DYNLL1: variants seen among roughly 807,000 people sequenced by gnomAD.
The protein encoded by DYNLL1 is dynein light chain 1, cytoplasmic.
In DYNLL1, 3 loss-of-function variants were observed where a neutral mutation model predicts 10.1. The observed-to-expected ratio is 0.30, with a 90% CI of 0.14 to 0.77. DYNLL1 has a LOEUF of 0.77. Among genes scored for constraint, DYNLL1 ranks in the 30% least tolerant of loss-of-function variants. The pLI, the probability that DYNLL1 is intolerant of heterozygous loss-of-function variation, is 0.66. For synonymous variants in DYNLL1, 46 were observed against 41.2 expected, an observed-to-expected ratio of 1.12 and a Z score of -0.45; for missense variants, 47 against 111.7, an observed-to-expected ratio of 0.42 and a Z score of 2.61.
rs375698180 is a variant in DYNLL1, at chr12:120,498,061, T to G, written c.133-12T>G. On this transcript the variant is annotated splice_polypyrimidine_tract_variant and intron_variant, in intron 2 of 2. Transcript: ENST00000242577. ...AATTAAAATCCTAGTTCTTTTCTTT[T>G]GTCTTTTCCAGGAATTTGACAAGAA... is the stretch of plus-strand genomic sequence containing the variant. 42 of 1,612,616 alleles carry G rather than the reference T, an allele frequency of 2.6e-5. No individual in the cohort carries two copies. In the African/African-American group the frequency reaches 5.1e-4, roughly 19 times the overall value.
At chr12:120,472,626 C>A (rs896968779) in intron 1 of DYNLL1, among the ~76,000 whole-genome samples, 2 of 152,190 alleles carry the variant, frequency 1.3e-5, no homozygotes, top group African/African-American at 4.8e-5. Context: ...ATTGGGCAGT[C>A]TCCTAGGGAG....
Position 120,478,833 on chromosome 12 carries a change from C to T in DYNLL1, c.-7+8729C>T, listed in dbSNP as rs536207417. On this transcript the variant is annotated intron_variant, in intron 1 of 2. Coordinates refer to the DYNLL1 transcript ENST00000392509. ...CCGAGTAGATGGGATTACAGGCGCC[C>T]GCCACCACGCCCAGCTAATTTTTGT... is the stretch of plus-strand genomic sequence containing the variant. Among the ~76,000 whole-genome samples, 44 of 149,510 alleles carry T rather than the reference C, an allele frequency of 2.9e-4. 1 individual carries two copies. The highest frequency in any genetic ancestry group is 5.9e-4 in the Non-Finnish European group (40 of 67,334).
At chr12:120,484,823 C>G (rs886411531) in intron 1 of DYNLL1, among the ~76,000 whole-genome samples, 1 of 151,794 alleles carries the variant, frequency 6.6e-6, no homozygotes, top group Non-Finnish European at 1.5e-5. Context: ...ACTGCAACCT[C>G]CGCTTTGCTT....
chr12:120,488,763 A>C (rs1879053552), intron 1 of DYNLL1: 1 of 152,116 alleles, frequency 6.6e-6, no homozygotes, highest in Non-Finnish European at 1.5e-5. Flanking sequence ...AATACAAAAA[A>C]TTAGCCCGAT....
Position 120,477,954 on chromosome 12 carries a change from A to AT in DYNLL1, c.-7+7859dup, listed in dbSNP as rs1185163315. On this transcript the variant is annotated intron_variant, in intron 1 of 2. Coordinates refer to the DYNLL1 transcript ENST00000392509. ...AGGCATACGCCACCATGCCTGGCTA[A>AT]TTTTTTTTTGTATTTTTAGTAGGGA... Among the ~76,000 whole-genome samples, 55 of 148,822 alleles carry AT rather than the reference A, an allele frequency of 3.7e-4. No homozygotes were observed. The East Asian group carries it at 6.6e-3, about 18-fold the overall frequency.
At chr12:120,490,909 C>T (rs1879111376) in intron 1 of DYNLL1, 1 of 152,238 alleles carries the variant, frequency 6.6e-6, no homozygotes, top group African/African-American at 2.4e-5. Flanking sequence ...GCCATGTGCC[C>T]AGTACTGCAC....
chr12:120,478,660 T>C (rs1232819342), intron 1 of DYNLL1, among the ~76,000 whole-genome samples: 3 of 147,738 alleles, frequency 2.0e-5, no homozygotes, highest in African/African-American at 7.4e-5. Context: ...GAGACCAGCC[T>C]GGCCAACATG....
intron 1 of DYNLL1, among the ~76,000 whole-genome samples, chr12:120,489,242 G>A (rs1879065880): frequency 6.6e-6 from 1 of 152,176 alleles, no homozygotes; most frequent in African/African-American, 2.4e-5. Context: ...CTCAAGGCTG[G>A]CCCTCTTCCC....
At chr12:120,474,772 G>C (rs1433863786) in intron 1 of DYNLL1, among the ~76,000 whole-genome samples, 1 of 152,184 alleles carries the variant, frequency 6.6e-6, no homozygotes, top group African/African-American at 2.4e-5. Flanking sequence ...CAGAGAGGAA[G>C]TGATGGGGGA....
chr12:120,486,739 TA>T (rs1408245462), intron 1 of DYNLL1, among the ~76,000 whole-genome samples: 8 of 151,994 alleles, frequency 5.3e-5, no homozygotes, highest in Non-Finnish European at 7.4e-5. Flanking sequence ...CCCAAAGCGC[TA>T]GGATTATAGG....
intron 1 of DYNLL1, among the ~76,000 whole-genome samples, chr12:120,485,198 G>C (rs1878964841): frequency 2.0e-5 from 3 of 150,928 alleles, no homozygotes; most frequent in Non-Finnish European, 3.0e-5. Flanking sequence ...GCCTGGGTGA[G>C]AGTGGGACCC....
At chr12:120,496,607 C>T in intron 2 of DYNLL1, 54 bp downstream of exon 2, 2 of 1,613,650 alleles carry the variant, frequency 1.2e-6, no homozygotes. Flanking sequence ...GTTCCTTCCC[C>T]CCGATCCTGC....
intron 1 of DYNLL1, among the ~76,000 whole-genome samples, chr12:120,476,943 T>C (rs1296216254): frequency 6.6e-6 from 1 of 151,518 alleles, no homozygotes; most frequent in Non-Finnish European, 1.5e-5. Context: ...TTTGTTTTTT[T>C]TTTTGAGACG....
intron 1 of DYNLL1, among the ~76,000 whole-genome samples, chr12:120,479,468 A>AAT (rs1555221139): frequency 8.7e-4 from 95 of 109,576 alleles, no homozygotes; most frequent in Non-Finnish European, 1.2e-3. Context: ...AAAAAAAAAA[A>AAT]AATAATAATA....
At chr12:120,472,592 GA>G (rs922877774) in intron 1 of DYNLL1, among the ~76,000 whole-genome samples, 3 of 151,852 alleles carry the variant, frequency 2.0e-5, no homozygotes, top group African/African-American at 7.3e-5. Flanking sequence ...GACAAAAAAG[GA>G]AAAAAAAGTG....
At chr12:120,496,316 G>C in intron 1 of DYNLL1, 100 bp downstream of exon 1, 1 of 1,502,898 alleles carries the variant, frequency 6.7e-7, no homozygotes, top group South Asian at 1.3e-5. Context: ...GAAGTGGGGT[G>C]GGGGGCGTCG....
intron 1 of DYNLL1, among the ~76,000 whole-genome samples, chr12:120,476,993 G>C (rs1373599989): frequency 4.6e-5 from 7 of 151,486 alleles, no homozygotes; most frequent in African/African-American, 1.7e-4. Context: ...GCAGTGGCAC[G>C]ATCTTGGCTC....
At chr12:120,497,304 C>G (rs1348562424) in intron 2 of DYNLL1, 1 of 153,160 alleles carries the variant, frequency 6.5e-6, no homozygotes, top group Non-Finnish European at 1.5e-5. Flanking sequence ...TAACCGTTGC[C>G]ACCCAATGCC....
At chr12:120,495,281 C>G (rs1879237245), upstream of DYNLL1, 1 of 152,168 alleles carries the variant, frequency 6.6e-6, no homozygotes, top group South Asian at 2.1e-4. Flanking sequence ...CTCTCCCACA[C>G]AGGAAAGACT....
Sources: allele counts gnomAD v4.1 joint callset (sites outside exome capture counted in the v4.1 genomes callset), GRCh38; gene constraint gnomAD v4.1.1; transcripts MANE v1.5; gene names NCBI Gene and HGNC (gene_info 2026-07-23, HGNC 2026-07-21).